Variants in ADCY9 observed in about 807,000 individuals in gnomAD.
ADCY9 encodes adenylate cyclase 9.
In ADCY9, 50 loss-of-function variants were observed where a neutral mutation model predicts 101.5. The ratio of observed to expected loss-of-function variants is 0.49; its 90% CI spans 0.39 to 0.62. The LOEUF is 0.62. ADCY9 is among the 20% of genes least tolerant of loss of function. The pLI is 0.00. For missense variants in ADCY9, 1,662 were observed against 1,800.4 expected (o/e 0.92, Z 1.39); for synonymous variants, 905 against 769.3 (o/e 1.18, Z -2.92).
intron 3 of ADCY9, among the ~76,000 whole-genome samples, chr16:4,004,633 C>T (rs538662828): frequency 2.2e-4 from 33 of 152,288 alleles, no homozygotes; most frequent in Admixed American, 9.8e-4. Context: ...GCACCATGCT[C>T]GACACTTGGG....
chr16:4,114,911 C>G lies in ADCY9; in HGVS notation c.532G>C (p.Ala178Pro), dbSNP rs746163052. The change falls in exon 2 of 11, where the codon GCT becomes CCT. Residue 178 changes from alanine to proline, a missense_variant. Physicochemically the swap from Ala to Pro is conservative, Grantham distance 27 (BLOSUM62 -1). This residue lies in a region of ADCY9 where 422 missense variants were observed against 392.0 expected (regional missense o/e 1.08). Transcript: ENST00000294016. The surrounding 1 kb of genome is among the most constrained non-coding windows in gnomAD (Gnocchi z 4.3). ...AGGGCGAACACCAGCAGGGTGAGAG[C>G]CAGCGAGGTCCACGCGTAATGCCGG... is the stretch of plus-strand genomic sequence containing the variant. ...YARHYAWTSL[A>P]LTLLVFALTL... 1.9e-6 allele frequency: 3 copies of G among 1,613,706 alleles called. No homozygotes were observed. Among genetic ancestry groups the G allele is most frequent in the South Asian group, 2.2e-5 (2 of 91,092 alleles).
rs759028302 is a variant in ADCY9 at position 3,983,383 on chromosome 16, C to T, written c.2368G>A (p.Asp790Asn). The T allele has an allele frequency of 1.2e-6, 2 of 1,608,194 alleles. No homozygotes were observed. The highest frequency in any genetic ancestry group is 1.1e-5 in the South Asian group (1 of 90,038). The change falls in exon 7 of 11, where the codon GAT (aspartate) becomes AAT (asparagine). Residue 790 changes from aspartate to asparagine, a missense_variant. Physicochemically the swap from Asp to Asn is conservative, Grantham distance 23. Coordinates refer to ENST00000294016, the MANE Select transcript of ADCY9 (RefSeq NM_001116.4). ...AACACTGTGGTCGACAGAAACACAT[C>T]CAGGAGGGAGCTGAAGGTGGGACTA... The part of the protein sequence containing the change: ...FASPTFSSLL[D>N]VFLSTTVFLT...
At chr16:4,099,323 C>T (rs11076807) in intron 2 of ADCY9, among the ~76,000 whole-genome samples, 22,259 of 152,208 alleles carry the variant, frequency 0.15, 2,123 homozygotes, top group South Asian at 0.28. Flanking sequence ...AGAAATTCTA[C>T]ATTGCTCTCA....
At chr16:4,079,716 C>T (rs1298656902) in intron 2 of ADCY9, among the ~76,000 whole-genome samples, 1 of 151,924 alleles carries the variant, frequency 6.6e-6, no homozygotes, top group East Asian at 1.9e-4. Context: ...TTTCATATGA[C>T]ACCATTATAT....
chr16:4,012,744 C>G (rs2056412527), intron 2 of ADCY9, among the ~76,000 whole-genome samples: 2 of 152,172 alleles, frequency 1.3e-5, no homozygotes, highest in Non-Finnish European at 2.9e-5. Context: ...AGTGTCACTT[C>G]TTTGAAAACT....
In ADCY9 at chr16:4,115,782, C is replaced by T. The variant is rs781590078; in HGVS notation, c.-136G>A. On this transcript the variant is annotated 5_prime_UTR_variant, in exon 1 of 11. Transcript: ENST00000294016. This position sits in a 1 kb window ranked among gnomAD's most constrained non-coding sequence, Gnocchi z 6.2. ...CCGCGCCTCTCGCCCCGAGGGTGGCCTCCGCGCCGCGCGGCTTCTCCTCCT... is the reference window on the plus strand; with the variant it reads ...CCGCGCCTCTCGCCCCGAGGGTGGCTTCCGCGCCGCGCGGCTTCTCCTCCT... 6.2e-5 allele frequency: 25 copies of T among 401,596 alleles called. No homozygotes were observed. The highest frequency in any genetic ancestry group is 1.1e-4 in the Non-Finnish European group (24 of 228,268). The allele number at this position is 401,596 out of a possible 1,614,324, so 24.9% of individuals were successfully genotyped here. A position where few individuals can be genotyped will look rare whatever the true frequency, so the allele number is the denominator to read the frequency against.
intron 2 of ADCY9, among the ~76,000 whole-genome samples, chr16:4,040,322 T>G: frequency 6.6e-6 from 1 of 152,196 alleles, no homozygotes; most frequent in East Asian, 1.9e-4. Flanking sequence ...CTTTCCTTCC[T>G]TTTAAATTTT....
chr16:4,043,145 G>A (rs919267370), intron 2 of ADCY9, among the ~76,000 whole-genome samples: 1 of 151,868 alleles, frequency 6.6e-6, no homozygotes, highest in Non-Finnish European at 1.5e-5. Flanking sequence ...GCAGGAGAAT[G>A]GCGTGAACCC....
chr16:4,005,096 C>T (rs1457726721), intron 3 of ADCY9, among the ~76,000 whole-genome samples: 3 of 151,342 alleles, frequency 2.0e-5, no homozygotes, highest in Non-Finnish European at 4.4e-5. Flanking sequence ...GCTGTATATA[C>T]CGCGTCCTCC....
intron 2 of ADCY9, among the ~76,000 whole-genome samples, chr16:4,067,354 C>T (rs1294443100): frequency 6.6e-6 from 1 of 152,094 alleles, no homozygotes; most frequent in African/African-American, 2.4e-5. Flanking sequence ...TCTTAAAATC[C>T]TCCCTCTTGC....
chr16:4,020,272 G>A (rs1228053889), intron 2 of ADCY9, among the ~76,000 whole-genome samples: 1 of 152,084 alleles, frequency 6.6e-6, no homozygotes, highest in African/African-American at 2.4e-5. Flanking sequence ...ACATGAGGCT[G>A]GCAGCTATGT....
intron 2 of ADCY9, among the ~76,000 whole-genome samples, chr16:4,052,929 C>T (rs2056711144): frequency 6.6e-6 from 1 of 152,194 alleles, no homozygotes; most frequent in South Asian, 2.1e-4. Context: ...ATGAGCGGCT[C>T]TTCAAGTGCA....
intron 2 of ADCY9, among the ~76,000 whole-genome samples, chr16:4,049,858 C>A (rs891159387): frequency 2.0e-5 from 3 of 152,066 alleles, no homozygotes; most frequent in African/African-American, 4.8e-5. Flanking sequence ...TAAGACCGAC[C>A]CTGTTTCTAC....
At chr16:4,090,187 C>T (rs76128265) in intron 2 of ADCY9, among the ~76,000 whole-genome samples, 3,631 of 152,200 alleles carry the variant, frequency 0.024, 141 homozygotes, top group African/African-American at 0.083. Context: ...AGGCCCCCCA[C>T]GCCCTATGGA....
intron 2 of ADCY9, among the ~76,000 whole-genome samples, chr16:4,103,100 G>C (rs2057054231): frequency 6.6e-6 from 1 of 152,240 alleles, no homozygotes; most frequent in Non-Finnish European, 1.5e-5. Flanking sequence ...TAAGGATTTT[G>C]TAAGAAAAGG....
intron 3 of ADCY9, among the ~76,000 whole-genome samples, chr16:4,000,528 T>C (rs774147310): frequency 5.3e-5 from 8 of 152,158 alleles, no homozygotes; most frequent in Admixed American, 1.3e-4. Context: ...AGCAGAATAT[T>C]AGAAGAAAAG....
At chr16:3,955,138 T>C (rs576598228) in intron 5 of ADCY9, among the ~76,000 whole-genome samples, 1 of 152,156 alleles carries the variant, frequency 6.6e-6, no homozygotes, top group East Asian at 1.9e-4. Context: ...TACAATAAAT[T>C]CATTTTGTCT....
intron 2 of ADCY9, among the ~76,000 whole-genome samples, chr16:4,084,541 C>G (rs1029305259): frequency 3.3e-5 from 5 of 152,010 alleles, no homozygotes; most frequent in Non-Finnish European, 5.9e-5. Context: ...GACTGGACAA[C>G]ACAGTGAGAC....
chr16:4,102,974 G>A (rs188850602), intron 2 of ADCY9, among the ~76,000 whole-genome samples: 2 of 152,294 alleles, frequency 1.3e-5, no homozygotes, highest in East Asian at 1.9e-4. Context: ...CACCCACCTC[G>A]GCCTCCCAAA....
Sources: gnomAD v4.1 joint callset for allele counts (sites outside exome capture counted in the v4.1 genomes callset) on GRCh38, gnomAD v4.1.1 for gene constraint, gnomAD v4.1.1 regional missense constraint, Gnocchi (gnomAD v3.1) non-coding constraint, MANE v1.5 for transcripts, NCBI Gene and HGNC (gene_info 2026-07-23, HGNC 2026-07-21) for gene names.